The following KPNA1 variants were observed in gnomAD, a reference collection of about 807,000 sequenced individuals.
The protein encoded by KPNA1 is importin subunit alpha-5.
In KPNA1, 10 loss-of-function variants were observed where a neutral mutation model predicts 70.5. The ratio of observed to expected loss-of-function variants is 0.14; its 90% CI spans 0.09 to 0.24. The LOEUF is 0.24. Among genes scored for constraint, KPNA1 ranks in the 10% least tolerant of loss-of-function variants. The pLI, the probability that KPNA1 is intolerant of heterozygous loss-of-function variation, is 1.00. For synonymous variants in KPNA1, 192 were observed against 221.9 expected, an observed-to-expected ratio of 0.87 and a Z score of 1.20; for missense variants, 397 against 637.9, an observed-to-expected ratio of 0.62 and a Z score of 4.07.
chr3:122,459,397 A>G, intron 5 of KPNA1: 2 of 984,712 alleles, frequency 2.0e-6, no homozygotes, highest in South Asian at 4.7e-5. Context: ...AGAGACAGGA[A>G]AGAAACACTT....
intron 2 of KPNA1, among the ~76,000 whole-genome samples, chr3:122,482,156 G>A (rs995477032): frequency 2.0e-5 from 3 of 152,218 alleles, no homozygotes; most frequent in Admixed American, 2.0e-4. Flanking sequence ...GCTACTACAC[G>A]CCTAGGCGAT....
In KPNA1 at chr3:122,452,020, G is replaced by C; in HGVS notation, c.609C>G (p.Cys203Trp). 6.2e-7 allele frequency: 1 copy of C among 1,611,530 alleles called. No individual in the cohort carries two copies. The highest frequency in any genetic ancestry group is 1.1e-5 in the South Asian group (1 of 90,604). ...LGNIAGDSTM[C>W]RDYVLDCNIL... ...TATTGCAGTCTAAGACATAGTCCCT[G>C]CACATGGTACTATCTCCAGCAATGT... The change falls in exon 7 of 14, where the codon TGC becomes TGG. Residue 203 changes from cysteine (C) to tryptophan (W), a missense_variant. Physicochemically the swap from Cys to Trp is radical, Grantham distance 215. Transcript: ENST00000344337.
At chr3:122,441,582 A>C (rs2076062748) in intron 10 of KPNA1, among the ~76,000 whole-genome samples, 1 of 152,132 alleles carries the variant, frequency 6.6e-6, no homozygotes, top group Admixed American at 6.5e-5. Context: ...AAAGGTATTG[A>C]GAGTAGATGC....
intron 11 of KPNA1, among the ~76,000 whole-genome samples, chr3:122,436,148 T>C (rs1423077887): frequency 6.6e-6 from 1 of 152,172 alleles, no homozygotes; most frequent in Non-Finnish European, 1.5e-5. Flanking sequence ...GGATAAGGGA[T>C]GAAATAAACC....
intron 11 of KPNA1, among the ~76,000 whole-genome samples, chr3:122,435,496 G>A (rs2075973002): frequency 6.6e-6 from 1 of 152,170 alleles, no homozygotes. Context: ...ATCTTACTTG[G>A]AAAGCGTTAA....
At chr3:122,468,159 A>G (rs1220961538) in intron 2 of KPNA1, among the ~76,000 whole-genome samples, 2 of 152,224 alleles carry the variant, frequency 1.3e-5, no homozygotes, top group Non-Finnish European at 2.9e-5. Context: ...CAGAGTAGTG[A>G]TATCTCAGAA....
intron 8 of KPNA1, 76 bp from the exon 9 acceptor site, chr3:122,449,813 A>G: frequency 8.2e-7 from 1 of 1,214,020 alleles, no homozygotes; most frequent in Non-Finnish European, 1.2e-6. Flanking sequence ...CAAGAAGGCA[A>G]CCAGGCATGT....
At chr3:122,457,030 A>G (rs1011896523) in intron 5 of KPNA1, among the ~76,000 whole-genome samples, 1 of 152,362 alleles carries the variant, frequency 6.6e-6, no homozygotes, top group East Asian at 1.9e-4. Flanking sequence ...AGGTATCCAC[A>G]TATGTATGAG....
At chr3:122,463,124 G>C (rs1323955399) in intron 4 of KPNA1, among the ~76,000 whole-genome samples, 2 of 152,094 alleles carry the variant, frequency 1.3e-5, no homozygotes, top group Non-Finnish European at 2.9e-5. Context: ...GGCCGAGGCA[G>C]GAGGATCACA....
At chr3:122,489,715 G>T (rs2076675579) in intron 2 of KPNA1, among the ~76,000 whole-genome samples, 1 of 152,100 alleles carries the variant, frequency 6.6e-6, no homozygotes, top group South Asian at 2.1e-4. Context: ...CCCCATTACA[G>T]TTGTGTTTTC....
intron 2 of KPNA1, among the ~76,000 whole-genome samples, chr3:122,489,427 T>C (rs930254910): frequency 1.4e-4 from 22 of 151,982 alleles, no homozygotes; most frequent in Admixed American, 1.1e-3. Context: ...CTTAGGACTA[T>C]AGCGTGCGCC....
At chr3:122,434,342 C>T (rs1486954987) in intron 11 of KPNA1, among the ~76,000 whole-genome samples, 1 of 152,162 alleles carries the variant, frequency 6.6e-6, no homozygotes, top group Non-Finnish European at 1.5e-5. Flanking sequence ...TTTCACTTTC[C>T]TCTTTTGTTC....
chr3:122,499,479 A>G (rs1576344983), intron 1 of KPNA1, among the ~76,000 whole-genome samples: 1 of 152,172 alleles, frequency 6.6e-6, no homozygotes, highest in South Asian at 2.1e-4. Flanking sequence ...AGGGACGGGT[A>G]GAGTGGCTCA....
At chr3:122,499,192 T>C (rs1270880055) in intron 1 of KPNA1, among the ~76,000 whole-genome samples, 3 of 152,362 alleles carry the variant, frequency 2.0e-5, no homozygotes, top group Middle Eastern at 3.4e-3. Flanking sequence ...TTCTTTTTCT[T>C]GTCTAACTTC....
chr3:122,425,986 A>C lies in KPNA1; in HGVS notation c.*999T>G, dbSNP rs1394372249. 3 of 152,582 alleles carry C rather than the reference A, an allele frequency of 2.0e-5. No individual in the cohort carries two copies. Among genetic ancestry groups the C allele is most frequent in the Non-Finnish European group, 2.9e-5 (2 of 68,024 alleles). The allele number at this position is 152,582 out of a possible 1,614,324, so 9.5% of individuals were successfully genotyped here. On this transcript the variant is annotated 3_prime_UTR_variant, in exon 14 of 14. Transcript: ENST00000344337. ...CAGAGGGGAAAAGCACCTAGGGTGA[A>C]CTCCAATTTTTTAATGAGGACCTTG...
In KPNA1 at chr3:122,448,526, A is replaced by G. The variant is rs150515296; in HGVS notation, c.917+1048T>C. ...CCAAACACTGCATGTTCTCACTCACAGGTGGGAATTGAACAATGAGAACAC... is the reference window on the plus strand; with the variant it reads ...CCAAACACTGCATGTTCTCACTCACGGGTGGGAATTGAACAATGAGAACAC... On this transcript the variant is annotated intron_variant, in intron 9 of 13. Transcript: ENST00000344337. Among the ~76,000 whole-genome samples the G allele has an allele frequency of 5.3e-3, 812 of 152,278 alleles. 9 individuals carry two copies. The highest frequency in any genetic ancestry group is 0.018 in the African/African-American group (762 of 41,550).
rs761983700 is a variant in KPNA1 at position 122,427,659 on chromosome 3, G to A, written c.1308C>T (p.Asp436=). The A allele has an allele frequency of 3.1e-6, 5 of 1,613,904 alleles. No homozygotes were observed. The African/African-American group carries it at 5.3e-5, about 17-fold the overall frequency. ...TTAGGGCAACCTGTACAATCTTAGA[G>A]TCCATGACCGTGAGGAGATCACAGA... ...KPLCDLLTVM[D]SKIVQVALNG... The change falls in exon 13 of 14, where the codon GAC becomes GAT. Residue 436 remains aspartate, a synonymous_variant. Coordinates refer to ENST00000344337, the MANE Select transcript of KPNA1 (RefSeq NM_002264.4).
At chr3:122,506,745 G>A (rs1421874175) in intron 1 of KPNA1, among the ~76,000 whole-genome samples, 2 of 152,098 alleles carry the variant, frequency 1.3e-5, no homozygotes, top group African/African-American at 4.8e-5. Flanking sequence ...TCCTTTGAGA[G>A]GTTTATCATA....
intron 1 of KPNA1, among the ~76,000 whole-genome samples, chr3:122,504,425 C>T (rs1311490395): frequency 3.3e-5 from 5 of 152,200 alleles, no homozygotes; most frequent in Non-Finnish European, 7.3e-5. Context: ...TCTTCAAACA[C>T]CACCATACTG....
Sources: allele counts gnomAD v4.1 joint callset (sites outside exome capture counted in the v4.1 genomes callset), GRCh38; gene constraint gnomAD v4.1.1; transcripts MANE v1.5; gene names NCBI Gene and HGNC (gene_info 2026-07-23, HGNC 2026-07-21).